CARMIL1: variants seen among roughly 807,000 people sequenced by gnomAD.
CARMIL1 encodes F-actin-uncapping protein LRRC16A.
CARMIL1 carries 90 observed loss-of-function variants against 177.1 expected under a neutral mutation model. That is an observed-to-expected ratio of 0.51 (90% CI 0.43 to 0.61). The LOEUF is 0.61. Among genes scored for constraint, CARMIL1 ranks in the 20% least tolerant of loss-of-function variants. The pLI, the probability that CARMIL1 is intolerant of heterozygous loss-of-function variation, is 0.00. For synonymous variants in CARMIL1, 577 were observed against 606.2 expected (o/e 0.95, Z 0.71); for missense variants, 1,380 against 1,667.0 (o/e 0.83, Z 3.00).
intron 2 of CARMIL1, among the ~76,000 whole-genome samples, chr6:25,379,144 CA>C (rs1314418404): frequency 1.3e-5 from 2 of 152,140 alleles, no homozygotes; most frequent in Non-Finnish European, 2.9e-5. Context: ...GCATTTAGCA[CA>C]AAGTTTGACT....
chr6:25,331,080 A>T lies in CARMIL1; in HGVS notation c.138+46171A>T, dbSNP rs116627513. ...AACAAGCAGCAAACTTCCTGGGAGG[A>T]GGCACTCAGTATATTCTTCTGCCCC... On this transcript the variant is annotated intron_variant, in intron 2 of 36. Coordinates refer to ENST00000329474, the MANE Select transcript of CARMIL1 (RefSeq NM_017640.6). Among the ~76,000 whole-genome samples, 1,413 of 152,160 alleles carry T rather than the reference A, an allele frequency of 9.3e-3. 6 individuals are homozygous for T. Among genetic ancestry groups the T allele is most frequent in the Middle Eastern group, 0.037 (11 of 294 alleles).
intron 2 of CARMIL1, among the ~76,000 whole-genome samples, chr6:25,306,099 G>A (rs949790438): frequency 1.1e-4 from 16 of 151,786 alleles, no homozygotes; most frequent in African/African-American, 2.9e-4. Flanking sequence ...CCTCCCCATC[G>A]CCCCTGACAA....
At chr6:25,448,232 C>T (rs529245635) in intron 5 of CARMIL1, among the ~76,000 whole-genome samples, 2 of 152,194 alleles carry the variant, frequency 1.3e-5, no homozygotes, top group South Asian at 2.1e-4. Context: ...CATCTGTTTA[C>T]AGTCTGCCAT....
At chr6:25,307,927 A>G (rs1783407351) in intron 2 of CARMIL1, among the ~76,000 whole-genome samples, 1 of 152,178 alleles carries the variant, frequency 6.6e-6, no homozygotes, top group Non-Finnish European at 1.5e-5. Context: ...TTGGGAGAGA[A>G]TGTTATCTAC....
chr6:25,508,412 A>C (rs571676222), intron 17 of CARMIL1, among the ~76,000 whole-genome samples: 3 of 152,254 alleles, frequency 2.0e-5, no homozygotes, highest in Non-Finnish European at 4.4e-5. Context: ...AAAAAGTAGA[A>C]ATGGTGAGAT....
At chr6:25,301,352 G>A (rs1357134364) in intron 2 of CARMIL1, among the ~76,000 whole-genome samples, 2 of 152,212 alleles carry the variant, frequency 1.3e-5, no homozygotes, top group Non-Finnish European at 2.9e-5. Flanking sequence ...CAGGATGGCT[G>A]CTTTGGAAAG....
At chr6:25,412,329 C>T (rs1014979771) in intron 2 of CARMIL1, among the ~76,000 whole-genome samples, 4 of 152,216 alleles carry the variant, frequency 2.6e-5, no homozygotes, top group African/African-American at 9.7e-5. Context: ...TGCCAATAAT[C>T]CCAGTCCTTT....
Position 25,330,478 on chromosome 6 carries a change from T to A in CARMIL1, c.138+45569T>A, listed in dbSNP as rs189311153. Among the ~76,000 whole-genome samples the A allele has an allele frequency of 1.1e-4, 16 of 152,224 alleles. No individual in the cohort carries two copies. In the East Asian group the frequency reaches 3.1e-3, roughly 29 times the overall value. On this transcript the variant is annotated intron_variant, in intron 2 of 36. Coordinates refer to ENST00000329474, the MANE Select transcript of CARMIL1 (RefSeq NM_017640.6). ...TTGCAGCTTGGTAACTGGATTACAG[T>A]GTGGCAGAACTGGAGGCTGGGAGAC...
At chr6:25,524,463 C>T (rs1408733758) in intron 23 of CARMIL1, among the ~76,000 whole-genome samples, 1 of 152,150 alleles carries the variant, frequency 6.6e-6, no homozygotes, top group Non-Finnish European at 1.5e-5. Context: ...GCATATACAG[C>T]TACAACAAAT....
In CARMIL1 at chr6:25,540,058, G is replaced by C; in HGVS notation, c.2308G>C (p.Val770Leu). ...ATCAATGGCTGGAGAAGTTACAAGA[G>C]TAGTAGATGAACAACTAAAGGTTTG... Reference protein sequence around the residue: ...LESMAGEVTRVVDEQLKALLE... With the variant: ...LESMAGEVTRLVDEQLKALLE... Residue 770 changes from valine (V) to leucine (L), a missense_variant, in exon 26 of 37, where the codon GTA becomes CTA. Physicochemically the swap from Val to Leu is conservative, Grantham distance 32. Transcript: ENST00000329474. 6.2e-7 allele frequency: 1 copy of C among 1,605,446 alleles called. No homozygotes were observed. The highest frequency in any genetic ancestry group is 8.5e-7 in the Non-Finnish European group (1 of 1,177,194).
chr6:25,335,039 C>T (rs1786070148), intron 2 of CARMIL1, among the ~76,000 whole-genome samples: 1 of 152,214 alleles, frequency 6.6e-6, no homozygotes, highest in Admixed American at 6.5e-5. Context: ...TGCTTGAGGT[C>T]ATGCAAATAA....
intron 2 of CARMIL1, among the ~76,000 whole-genome samples, chr6:25,419,174 A>G (rs144587584): frequency 6.6e-6 from 1 of 152,180 alleles, no homozygotes; most frequent in Non-Finnish European, 1.5e-5. Flanking sequence ...TTAACTTTCT[A>G]CAGTTTTGTT....
chr6:25,422,069 T>G (rs1328165981), intron 3 of CARMIL1, among the ~76,000 whole-genome samples: 3 of 151,808 alleles, frequency 2.0e-5, no homozygotes, highest in Middle Eastern at 3.2e-3. Context: ...AGATGTGAAG[T>G]TGGCTAGTCT....
intron 11 of CARMIL1, among the ~76,000 whole-genome samples, chr6:25,473,792 G>T (rs986698484): frequency 3.9e-5 from 6 of 152,174 alleles, no homozygotes; most frequent in African/African-American, 1.4e-4. Flanking sequence ...GACTATCTTA[G>T]AATTCTATTT....
intron 11 of CARMIL1, among the ~76,000 whole-genome samples, chr6:25,474,046 A>C (rs544312289): frequency 3.0e-4 from 46 of 152,236 alleles, no homozygotes; most frequent in Non-Finnish European, 2.8e-4. Flanking sequence ...TTTCTGTTGC[A>C]AATGTTTTCC....
At chr6:25,330,690 A>T (rs1303036855) in intron 2 of CARMIL1, among the ~76,000 whole-genome samples, 6 of 34,208 alleles carry the variant, frequency 1.8e-4, no homozygotes, top group Non-Finnish European at 3.1e-4. Flanking sequence ...ATCTCTATTA[A>T]AAAAAAAAAA....
chr6:25,349,925 C>T (rs1235259922), intron 2 of CARMIL1, among the ~76,000 whole-genome samples: 1 of 152,122 alleles, frequency 6.6e-6, no homozygotes, highest in East Asian at 1.9e-4. Context: ...GATGGGGTTT[C>T]ACCATGTTGG....
At chr6:25,289,699 A>G (rs1488393602) in intron 2 of CARMIL1, among the ~76,000 whole-genome samples, 1 of 152,252 alleles carries the variant, frequency 6.6e-6, no homozygotes, top group Non-Finnish European at 1.5e-5. Flanking sequence ...CTCATACAGT[A>G]TCCCCTTTTT....
At chr6:25,410,602 G>T (rs1175785309) in intron 2 of CARMIL1, among the ~76,000 whole-genome samples, 6 of 92,498 alleles carry the variant, frequency 6.5e-5, no homozygotes, top group African/African-American at 2.9e-4. Flanking sequence ...GCCAGGCCCA[G>T]GAGGGGACTT....
Sources: allele counts gnomAD v4.1 joint callset (sites outside exome capture counted in the v4.1 genomes callset), GRCh38; gene constraint gnomAD v4.1.1; transcripts MANE v1.5; gene names NCBI Gene and HGNC (gene_info 2026-07-23, HGNC 2026-07-21).